Variants in PTPRS observed in about 807,000 individuals in gnomAD.
PTPRS encodes protein tyrosine phosphatase receptor type S.
In PTPRS, 63 loss-of-function variants were observed where a neutral mutation model predicts 215.3. That is an observed-to-expected ratio of 0.29 (90% CI 0.24 to 0.36). The LOEUF (loss-of-function observed/expected upper bound fraction) is 0.36. Among genes scored for constraint, PTPRS ranks in the 10% least tolerant of loss-of-function variants. The probability of loss-of-function intolerance (pLI) is 1.00; values close to 1 mark genes in which losing one functional copy is unlikely to be tolerated. For synonymous variants in PTPRS, 1,404 were observed against 1,191.4 expected, an observed-to-expected ratio of 1.18 and a Z score of -3.68; for missense variants, 2,258 against 2,825.8, an observed-to-expected ratio of 0.80 and a Z score of 4.56.
chr19:5,260,531 GGGGTCTT>G (rs1373724840), intron 7 of PTPRS, among the ~76,000 whole-genome samples: 123 of 152,322 alleles, frequency 8.1e-4, no homozygotes, highest in African/African-American at 2.9e-3. Flanking sequence ...CAGCACTCTG[GGGGTCTT>G]GCCAGGTAGG....
chr19:5,324,604 T>C (rs2050122381), intron 1 of PTPRS, among the ~76,000 whole-genome samples: 1 of 152,172 alleles, frequency 6.6e-6, no homozygotes, highest in Non-Finnish European at 1.5e-5. Flanking sequence ...CCCAGGTGTG[T>C]CAGGATGCAG....
chr19:5,340,317 G>C (rs1279642025), intron 1 of PTPRS, among the ~76,000 whole-genome samples: 1 of 150,940 alleles, frequency 6.6e-6, no homozygotes, highest in Non-Finnish European at 1.5e-5. Flanking sequence ...CGCAGCCCGG[G>C]GTGGTGCAGC....
rs571000681 is a variant in PTPRS, at chr19:5,313,875, C to T, written c.-95+26789G>A. On this transcript the variant is annotated intron_variant, in intron 1 of 37. Transcript: ENST00000262963. ...ATTTTGGGAGCCTGAGGCAGGCGGA[C>T]TGCTTGAGCCCAGCAGTTCAAGACC... is the stretch of plus-strand genomic sequence containing the variant. Among the ~76,000 whole-genome samples, 24 of 152,150 alleles carry T rather than the reference C, an allele frequency of 1.6e-4. No individual in the cohort carries two copies. In the South Asian group the frequency reaches 5.0e-3, roughly 32 times the overall value.
chr19:5,336,977 G>T (rs1314854696), intron 1 of PTPRS, among the ~76,000 whole-genome samples: 1 of 152,182 alleles, frequency 6.6e-6, no homozygotes. Flanking sequence ...GCCTACCCTG[G>T]ATGCAGAGGA....
intron 9 of PTPRS, 47 bp from the exon 10 acceptor site, chr19:5,246,092 A>G (rs1599666770): frequency 1.3e-6 from 1 of 751,152 alleles, no homozygotes. Context: ...GCGAGGGGTG[A>G]GGTGGGGTGA....
intron 14 of PTPRS, among the ~76,000 whole-genome samples, chr19:5,230,032 G>A (rs991970454): frequency 6.6e-6 from 1 of 152,110 alleles, no homozygotes; most frequent in African/African-American, 2.4e-5. Context: ...TACATTTGGG[G>A]AAATTGAATC....
chr19:5,229,795 A>G (rs2042864152), intron 14 of PTPRS, 111 bp from the exon 15 acceptor site: 1 of 630,310 alleles, frequency 1.6e-6, no homozygotes, highest in African/African-American at 1.9e-5. Context: ...GCTGCCGGTG[A>G]ATAACTGGGC....
At chr19:5,209,923 G>C (rs994573137) in intron 35 of PTPRS, among the ~76,000 whole-genome samples, 1 of 152,012 alleles carries the variant, frequency 6.6e-6, no homozygotes, top group Non-Finnish European at 1.5e-5. Flanking sequence ...CTCTACCATC[G>C]TCGATCTTCC....
chr19:5,334,923 C>T (rs563815376), intron 1 of PTPRS, among the ~76,000 whole-genome samples: 4 of 152,302 alleles, frequency 2.6e-5, no homozygotes, highest in South Asian at 2.1e-4. Flanking sequence ...GGGCCTGGCA[C>T]GGGGCGCCAA....
At chr19:5,252,700 C>G (rs1405751163) in intron 9 of PTPRS, among the ~76,000 whole-genome samples, 3 of 151,292 alleles carry the variant, frequency 2.0e-5, no homozygotes, top group Non-Finnish European at 4.4e-5. Flanking sequence ...ATGGCAAAAC[C>G]CTGTCTCTAA....
chr19:5,315,629 A>G (rs2049852559), intron 1 of PTPRS, among the ~76,000 whole-genome samples: 1 of 150,164 alleles, frequency 6.7e-6, no homozygotes, highest in Non-Finnish European at 1.5e-5. Context: ...CCTCCTGAGT[A>G]GCTGGGACAA....
At chr19:5,312,372 G>T (rs2049735078) in intron 1 of PTPRS, among the ~76,000 whole-genome samples, 1 of 152,132 alleles carries the variant, frequency 6.6e-6, no homozygotes, top group African/African-American at 2.4e-5. Flanking sequence ...TATAATAATA[G>T]CAGCAGGGCC....
chr19:5,212,888 C>T (rs114307127), intron 30 of PTPRS, among the ~76,000 whole-genome samples: 6,280 of 151,770 alleles, frequency 0.041, 455 homozygotes, highest in African/African-American at 0.14. Context: ...ACCATGTCCC[C>T]AAGTGCCTGA....
chr19:5,235,539 T>C (rs962014125), intron 13 of PTPRS, among the ~76,000 whole-genome samples: 2 of 152,196 alleles, frequency 1.3e-5, no homozygotes, highest in African/African-American at 4.8e-5. Context: ...GCCACCTCTT[T>C]ATAGCAAGTG....
chr19:5,324,093 G>T (rs2050103733), intron 1 of PTPRS, among the ~76,000 whole-genome samples: 1 of 151,924 alleles, frequency 6.6e-6, no homozygotes, highest in Non-Finnish European at 1.5e-5. Context: ...AGCCAGCATG[G>T]TGGCACGTGC....
chr19:5,213,525 A>G (rs367561175), intron 30 of PTPRS, among the ~76,000 whole-genome samples: 1 of 152,192 alleles, frequency 6.6e-6, no homozygotes, highest in African/African-American at 2.4e-5. Flanking sequence ...TTGACATTTC[A>G]TAGTTGTGGT....
chr19:5,266,516 C>T (rs958110302), intron 4 of PTPRS, among the ~76,000 whole-genome samples: 7 of 151,952 alleles, frequency 4.6e-5, no homozygotes, highest in African/African-American at 1.7e-4. Flanking sequence ...CAGTGGCATG[C>T]ACTCCACGCC....
intron 4 of PTPRS, among the ~76,000 whole-genome samples, chr19:5,268,364 G>C (rs1361345958): frequency 1.3e-5 from 2 of 151,954 alleles, no homozygotes; most frequent in Non-Finnish European, 2.9e-5. Context: ...CTGCTTCCTG[G>C]CGTAGACAAT....
chr19:5,318,432 G>A lies in PTPRS; in HGVS notation c.-95+22232C>T, dbSNP rs74351162. Among the ~76,000 whole-genome samples, 343 of 152,232 alleles carry A rather than the reference G, an allele frequency of 2.3e-3. 4 individuals are homozygous for A. Among genetic ancestry groups the A allele is most frequent in the African/African-American group, 7.9e-3 (329 of 41,542 alleles). Reference sequence around the variant, plus strand: ...ACAGGACAGAACAGGCTGCACCCCAGCTAGGTCCAACAGCAAGGCAGTCTG... The same window carrying A: ...ACAGGACAGAACAGGCTGCACCCCAACTAGGTCCAACAGCAAGGCAGTCTG... On this transcript the variant is annotated intron_variant, in intron 1 of 37. Transcript: ENST00000262963.
Sources: gnomAD v4.1 joint callset for allele counts (sites outside exome capture counted in the v4.1 genomes callset) on GRCh38, gnomAD v4.1.1 for gene constraint, MANE v1.5 for transcripts, NCBI Gene and HGNC (gene_info 2026-07-23, HGNC 2026-07-21) for gene names.